TCF4: variants seen among roughly 807,000 people sequenced by gnomAD.
TCF4 encodes transcription factor 4, also known as SL3-3 enhancer factor 2.
TCF4 carries 3 observed loss-of-function variants against 82.1 expected under a neutral mutation model. The observed-to-expected ratio is 0.04, with a 90% CI of 0.02 to 0.09. The LOEUF (loss-of-function observed/expected upper bound fraction) is 0.09. TCF4 is among the 10% of genes least tolerant of loss of function. The probability of loss-of-function intolerance (pLI) is 1.00; values close to 1 mark genes in which losing one functional copy is unlikely to be tolerated. For missense variants in TCF4, 518 were observed against 852.7 expected (o/e 0.61, Z 4.89); for synonymous variants, 276 against 309.6 (o/e 0.89, Z 1.14).
chr18:55,326,468 A>G (rs1169694506), intron 8 of TCF4, among the ~76,000 whole-genome samples: 1 of 151,858 alleles, frequency 6.6e-6, no homozygotes, highest in Non-Finnish European at 1.5e-5. Context: ...AGTCTGCTAA[A>G]ATGGAAAAAA....
intron 3 of TCF4, among the ~76,000 whole-genome samples, chr18:55,580,742 A>ATGTGTGTGTGTGTG (rs5825144): frequency 2.8e-5 from 4 of 145,382 alleles, no homozygotes; most frequent in African/African-American, 5.1e-5. Context: ...GAGCTGTCTG[A>ATGTGTGTGTGTGTG]TGTGTGTGTG....
intron 3 of TCF4, among the ~76,000 whole-genome samples, chr18:55,471,313 G>A (rs2096173905): frequency 1.3e-5 from 2 of 152,174 alleles, no homozygotes; most frequent in Non-Finnish European, 2.9e-5. Flanking sequence ...AGTGATCTGG[G>A]CACTAACAAG....
At chr18:55,271,890 A>G (rs939252012) in intron 10 of TCF4, among the ~76,000 whole-genome samples, 1 of 152,098 alleles carries the variant, frequency 6.6e-6, no homozygotes, top group Admixed American at 6.6e-5. Context: ...ACAAAAAAAG[A>G]GATGACTAAC....
chr18:55,578,025 G>GA (rs1289467190), intron 3 of TCF4, among the ~76,000 whole-genome samples: 2 of 152,074 alleles, frequency 1.3e-5, no homozygotes, highest in Non-Finnish European at 2.9e-5. Context: ...ATCCGTTACA[G>GA]AAAAAAGCCA....
chr18:55,498,566 T>A (rs2096663099), intron 3 of TCF4, among the ~76,000 whole-genome samples: 1 of 152,152 alleles, frequency 6.6e-6, no homozygotes, highest in Admixed American at 6.5e-5. Context: ...CGCCATAAGA[T>A]ACGGAAAAAT....
intron 3 of TCF4, among the ~76,000 whole-genome samples, chr18:55,497,854 A>G (rs2096654290): frequency 6.6e-6 from 1 of 152,322 alleles, no homozygotes; most frequent in Admixed American, 6.5e-5. Flanking sequence ...ATGAAATTGG[A>G]AGGGGAAAAA....
chr18:55,308,090 G>T (rs2070977381), intron 8 of TCF4, among the ~76,000 whole-genome samples: 1 of 152,182 alleles, frequency 6.6e-6, no homozygotes, highest in Non-Finnish European at 1.5e-5. Flanking sequence ...ACTCAGTGAT[G>T]CAGGAAATGG....
upstream of TCF4, among the ~76,000 whole-genome samples, chr18:55,592,012 T>G (rs2097686046): frequency 6.6e-6 from 1 of 152,188 alleles, no homozygotes; most frequent in South Asian, 2.1e-4. Context: ...TTCTTTTTGT[T>G]TTTGTTTTTC....
At chr18:55,274,612 A>G (rs904438194) in intron 10 of TCF4, among the ~76,000 whole-genome samples, 1 of 152,206 alleles carries the variant, frequency 6.6e-6, no homozygotes, top group African/African-American at 2.4e-5. Flanking sequence ...CTAAGTGTAG[A>G]TATGAGAAGA....
At chr18:55,588,289 C>T (rs886053963), upstream of TCF4, 26 of 1,444,420 alleles carry the variant, frequency 1.8e-5, no homozygotes, top group Middle Eastern at 7.7e-4. Flanking sequence ...CACGCCGAGG[C>T]GCACGGAATT....
intron 6 of TCF4, chr18:55,402,287 C>A (rs2093864952): frequency 4.2e-6 from 4 of 942,008 alleles, no homozygotes; most frequent in Non-Finnish European, 3.8e-6. Flanking sequence ...CACCAACCCA[C>A]CAGAAGTCGT....
rs2082241756 is a variant in TCF4 at position 55,351,188 on chromosome 18, T to C, written c.370-185A>G. ...AAGAAGCTATCACAAAGTTTGTGAATTTTTAATTCTTTACTTTTAGGAGGA... is the reference window on the plus strand; with the variant it reads ...AAGAAGCTATCACAAAGTTTGTGAACTTTTAATTCTTTACTTTTAGGAGGA... On this transcript the variant is annotated intron_variant, in intron 6 of 19. Transcript: ENST00000354452. The C allele has an allele frequency of 9.2e-6, 6 of 654,028 alleles. No homozygotes were observed. In the East Asian group the frequency reaches 1.5e-4, roughly 16 times the overall value. The allele number at this position is 654,028 out of a possible 1,614,324, so 40.5% of individuals were successfully genotyped here. A position where few individuals can be genotyped will look rare whatever the true frequency, so the allele number is the denominator to read the frequency against.
intron 3 of TCF4, among the ~76,000 whole-genome samples, chr18:55,552,994 C>T (rs1212194978): frequency 6.6e-6 from 1 of 152,128 alleles, no homozygotes; most frequent in Admixed American, 6.5e-5. Flanking sequence ...ATAGGAAGAA[C>T]AGAAACCACA....
At chr18:55,325,002 C>T (rs2076315882) in intron 8 of TCF4, among the ~76,000 whole-genome samples, 1 of 152,186 alleles carries the variant, frequency 6.6e-6, no homozygotes, top group Non-Finnish European at 1.5e-5. Flanking sequence ...GAACTGACAA[C>T]ACACACATAC....
chr18:55,505,387 A>G (rs2096743272), intron 3 of TCF4, among the ~76,000 whole-genome samples: 2 of 152,158 alleles, frequency 1.3e-5, no homozygotes, highest in Non-Finnish European at 2.9e-5. Flanking sequence ...TAACATAATA[A>G]TTATTATAGC....
chr18:55,364,797 G>A (rs2086417261), intron 6 of TCF4, among the ~76,000 whole-genome samples: 1 of 152,114 alleles, frequency 6.6e-6, no homozygotes, highest in African/African-American at 2.4e-5. Flanking sequence ...TTTTAAAAAT[G>A]TATAAGCTAA....
chr18:55,234,521 A>T, intron 16 of TCF4, 27 bp downstream of exon 16: 2 of 1,614,192 alleles, frequency 1.2e-6, no homozygotes, highest in Non-Finnish European at 8.5e-7. Context: ...AAGTGAGGTC[A>T]GAAGTGCCCT....
upstream of TCF4, chr18:55,588,425 C>A: frequency 3.3e-6 from 5 of 1,534,910 alleles, no homozygotes; most frequent in Non-Finnish European, 3.5e-6. Context: ...ATCTCAACAC[C>A]TCCCCCGCCT....
At chr18:55,476,453 GT>G (rs538974754) in intron 3 of TCF4, among the ~76,000 whole-genome samples, 1 of 148,672 alleles carries the variant, frequency 6.7e-6, no homozygotes, top group Non-Finnish European at 1.5e-5. Context: ...AGCCCTCGTT[GT>G]TTTTTTGTTT....
Sources: allele counts gnomAD v4.1 joint callset (sites outside exome capture counted in the v4.1 genomes callset), GRCh38; gene constraint gnomAD v4.1.1; transcripts MANE v1.5; gene names NCBI Gene and HGNC (gene_info 2026-07-23, HGNC 2026-07-21).